The following MAGI1 variants were observed in gnomAD, a reference collection of about 807,000 sequenced individuals.
MAGI1 encodes the protein membrane-associated guanylate kinase, WW and PDZ domain-containing protein 1.
Under a neutral mutation model 139.9 loss-of-function variants are expected in MAGI1, and 58 were observed. That is an observed-to-expected ratio of 0.41 (90% CI 0.34 to 0.52). The LOEUF is 0.52. MAGI1 is among the 20% of genes least tolerant of loss of function. The pLI is 0.12. For missense variants in MAGI1, 1,874 were observed against 1,901.6 expected (o/e 0.99, Z 0.27); for synonymous variants, 812 against 737.9 (o/e 1.10, Z -1.63).
At chr3:65,357,165 G>A in intron 22 of MAGI1, 33 bp from the exon 23 acceptor site, 1 of 1,570,136 alleles carries the variant, frequency 6.4e-7, no homozygotes. Context: ...CAACAGTTGG[G>A]TACGAAGGTC....
At position 65,950,437 on chromosome 3, in the gene MAGI1, C is replaced by T. The variant is rs548381831; in HGVS notation, c.313+87559G>A. On this transcript the variant is annotated intron_variant, in intron 1 of 22. Coordinates refer to ENST00000402939, the MANE Select transcript of MAGI1 (RefSeq NM_001033057.2). ...AGACTAAAAGCCCAGGCTTGTACCC[C>T]GCCCTCGCTGTTGAAGGATCCTCAG... Among the ~76,000 whole-genome samples, 5 of 152,144 alleles carry T rather than the reference C, an allele frequency of 3.3e-5. No individual in the cohort carries two copies. The South Asian group carries it at 8.3e-4, about 25-fold the overall frequency.
intron 1 of MAGI1, among the ~76,000 whole-genome samples, chr3:65,855,669 G>A (rs1357993530): frequency 7.0e-6 from 1 of 143,538 alleles, no homozygotes; most frequent in Non-Finnish European, 1.5e-5. Context: ...GAAAAAAAGA[G>A]AAAAGAAAGG....
At chr3:65,554,781 A>T in intron 2 of MAGI1, among the ~76,000 whole-genome samples, 1 of 152,224 alleles carries the variant, frequency 6.6e-6, no homozygotes, top group East Asian at 1.9e-4. Context: ...ATTCTATGGA[A>T]TAACTAACCA....
intron 12 of MAGI1, among the ~76,000 whole-genome samples, chr3:65,403,122 T>G (rs1036216601): frequency 6.6e-6 from 1 of 152,160 alleles, no homozygotes; most frequent in African/African-American, 2.4e-5. Context: ...TGTCTCAGTT[T>G]CTCCATTTAT....
chr3:65,673,365 A>T (rs1048878898), intron 1 of MAGI1, among the ~76,000 whole-genome samples: 3 of 152,224 alleles, frequency 2.0e-5, no homozygotes, highest in Admixed American at 6.5e-5. Context: ...TGTATACCAG[A>T]GTAACCTGTG....
In MAGI1 at chr3:65,356,801, G is replaced by GGACC; in HGVS notation, c.3962_3965dup (p.Pro1323ValfsTer136). 6.2e-7 allele frequency: 1 copy of GGACC among 1,611,262 alleles called. No homozygotes were observed. Among genetic ancestry groups the GGACC allele is most frequent in the Non-Finnish European group, 8.5e-7 (1 of 1,178,296 alleles). On this transcript the variant is annotated frameshift_variant, in exon 23 of 23. Transcript: ENST00000402939. LOFTEE classifies it low-confidence loss of function (END_TRUNC). The stretch of plus-strand genomic sequence containing the variant: ...GGGTGCCCTCCCTCCGCTTCTCTGG[G>GGACC]GACCGCCTCTTGGGGCCGTTGGCGG...
intron 1 of MAGI1, among the ~76,000 whole-genome samples, chr3:65,927,232 C>T (rs2062572742): frequency 6.6e-6 from 1 of 152,204 alleles, no homozygotes; most frequent in South Asian, 2.1e-4. Context: ...CAAATTCTTT[C>T]TTGTGCAAGA....
At chr3:65,866,230 AACAG>A (rs1347308920) in intron 1 of MAGI1, among the ~76,000 whole-genome samples, 6 of 148,188 alleles carry the variant, frequency 4.0e-5, no homozygotes, top group African/African-American at 1.0e-4. Flanking sequence ...TTTTTTTTTT[AACAG>A]ACAGAGTCTT....
chr3:65,968,453 G>T (rs1197457870), intron 1 of MAGI1, among the ~76,000 whole-genome samples: 1 of 152,092 alleles, frequency 6.6e-6, no homozygotes, highest in African/African-American at 2.4e-5. Context: ...GAAAAGAATG[G>T]AATCCATCTT....
chr3:65,995,086 C>A (rs1018302415), intron 1 of MAGI1, among the ~76,000 whole-genome samples: 196 of 152,282 alleles, frequency 1.3e-3, no homozygotes, highest in African/African-American at 4.5e-3. Context: ...GGGACAAAAA[C>A]ATTGTCTGTT....
Position 66,021,687 on chromosome 3 carries a change from G to C in MAGI1, c.313+16309C>G, listed in dbSNP as rs138279498. On this transcript the variant is annotated intron_variant, in intron 1 of 22. Coordinates refer to ENST00000402939, the MANE Select transcript of MAGI1 (RefSeq NM_001033057.2). ...ATTCTGATCCCGTAGGTCTGGGATG[G>C]GGTCTAGTAATCCCCATATTTAACA... Among the ~76,000 whole-genome samples the C allele has an allele frequency of 3.4e-3, 512 of 152,264 alleles. 1 individual carries two copies. Among genetic ancestry groups the C allele is most frequent in the Non-Finnish European group, 4.7e-3 (322 of 68,026 alleles).
chr3:65,492,902 C>T (rs929496387), intron 3 of MAGI1, among the ~76,000 whole-genome samples: 3 of 151,896 alleles, frequency 2.0e-5, no homozygotes, highest in Non-Finnish European at 4.4e-5. Flanking sequence ...CACGGTGAAA[C>T]CCTGTCTCTA....
intron 11 of MAGI1, among the ~76,000 whole-genome samples, chr3:65,430,378 TA>T (rs956526173): frequency 2.0e-5 from 3 of 151,464 alleles, no homozygotes; most frequent in African/African-American, 7.3e-5. Flanking sequence ...AGCTTTCTCC[TA>T]AAAAAAAATC....
intron 1 of MAGI1, among the ~76,000 whole-genome samples, chr3:65,643,544 C>T (rs998243233): frequency 6.6e-6 from 1 of 152,066 alleles, no homozygotes; most frequent in African/African-American, 2.4e-5. Context: ...AACTAGGAAC[C>T]TTGGGACAAA....
intron 1 of MAGI1, among the ~76,000 whole-genome samples, chr3:65,952,768 C>A (rs2063929067): frequency 6.6e-6 from 1 of 152,172 alleles, no homozygotes; most frequent in Admixed American, 6.5e-5. Flanking sequence ...GAGCCAAGAT[C>A]ATGCCACTGC....
At chr3:65,939,713 G>A (rs1003963351) in intron 1 of MAGI1, among the ~76,000 whole-genome samples, 2 of 152,092 alleles carry the variant, frequency 1.3e-5, no homozygotes, top group African/African-American at 2.4e-5. Flanking sequence ...CAGTAAGAAA[G>A]GAAAGGGAAA....
Position 65,835,389 on chromosome 3 carries a change from T to C in MAGI1, c.313+202607A>G, listed in dbSNP as rs60447157. 5.6e-3 allele frequency among the ~76,000 whole-genome samples: 856 copies of C among 152,266 alleles called. 8 individuals carry two copies. The highest frequency in any genetic ancestry group is 0.02 in the African/African-American group (815 of 41,546). ...AGACTTGTCTGGCAGGAAGAGAAAATAGTGTTAAAGGGGCCACTTAATAGC... is the reference window on the plus strand; with the variant it reads ...AGACTTGTCTGGCAGGAAGAGAAAACAGTGTTAAAGGGGCCACTTAATAGC... On this transcript the variant is annotated intron_variant, in intron 1 of 22. Coordinates refer to ENST00000402939, the MANE Select transcript of MAGI1 (RefSeq NM_001033057.2).
chr3:65,918,201 C>T (rs930151356), intron 1 of MAGI1, among the ~76,000 whole-genome samples: 1 of 152,096 alleles, frequency 6.6e-6, no homozygotes, highest in Non-Finnish European at 1.5e-5. Context: ...AATCAGTAAA[C>T]ATGAATTCCT....
At chr3:65,870,231 C>A in intron 1 of MAGI1, among the ~76,000 whole-genome samples, 1 of 145,818 alleles carries the variant, frequency 6.9e-6, no homozygotes, top group South Asian at 2.2e-4. Flanking sequence ...CACTGAGATA[C>A]TTTTTTTTTT....
Sources: allele counts gnomAD v4.1 joint callset (sites outside exome capture counted in the v4.1 genomes callset), GRCh38; gene constraint gnomAD v4.1.1; transcripts MANE v1.5; gene names NCBI Gene and HGNC (gene_info 2026-07-23, HGNC 2026-07-21).